The following SLC9B2 variants were observed in gnomAD, a reference collection of about 807,000 sequenced individuals.
The protein encoded by SLC9B2 is sodium/hydrogen exchanger 9B2.
A neutral mutation model predicts 52.2 loss-of-function variants in SLC9B2; 39 were observed. That is an observed-to-expected ratio of 0.75 (90% CI 0.58 to 0.98). The LOEUF (loss-of-function observed/expected upper bound fraction) is 0.98. Among genes scored for constraint, SLC9B2 ranks in the 50% least tolerant of loss-of-function variants. The probability of loss-of-function intolerance (pLI) is 0.00; values close to 1 mark genes in which losing one functional copy is unlikely to be tolerated. For synonymous variants in SLC9B2, 214 were observed against 227.0 expected (o/e 0.94, Z 0.51); for missense variants, 626 against 637.5 (o/e 0.98, Z 0.19).
intron 1 of SLC9B2, among the ~76,000 whole-genome samples, chr4:103,070,398 C>T (rs913496708): frequency 2.0e-5 from 3 of 152,184 alleles, no homozygotes; most frequent in East Asian, 1.9e-4. Flanking sequence ...TAGAGAGGCT[C>T]TTAAGGACTC....
intron 9 of SLC9B2, among the ~76,000 whole-genome samples, chr4:103,041,588 C>T (rs1451418720): frequency 1.3e-5 from 2 of 152,098 alleles, no homozygotes; most frequent in African/African-American, 4.8e-5. Flanking sequence ...TTTTTATGCT[C>T]TGTTTCAAAT....
chr4:103,028,481 C>T (rs1742414270), intron 11 of SLC9B2, among the ~76,000 whole-genome samples: 1 of 152,084 alleles, frequency 6.6e-6, no homozygotes, highest in Admixed American at 6.6e-5. Flanking sequence ...CTCTTCTCTC[C>T]TGTTACTACT....
chr4:103,039,881 C>T (rs926330934), intron 9 of SLC9B2, among the ~76,000 whole-genome samples: 1 of 151,992 alleles, frequency 6.6e-6, no homozygotes, highest in Non-Finnish European at 1.5e-5. Context: ...TTCCTGACCT[C>T]ATGATCCGCC....
intron 3 of SLC9B2, among the ~76,000 whole-genome samples, chr4:103,058,552 C>T (rs1027591654): frequency 9.2e-5 from 14 of 152,166 alleles, no homozygotes; most frequent in African/African-American, 3.1e-4. Context: ...TGTGTACCAC[C>T]ATGCCTGGCT....
At chr4:103,055,342 A>T (rs182625682) in intron 4 of SLC9B2, among the ~76,000 whole-genome samples, 2,249 of 152,292 alleles carry the variant, frequency 0.015, 35 homozygotes, top group Non-Finnish European at 0.023. Flanking sequence ...TACATATGTA[A>T]CTAACCTGCA....
At chr4:103,066,230 G>A in intron 3 of SLC9B2, 97 bp downstream of exon 3, 1 of 1,382,838 alleles carries the variant, frequency 7.2e-7, no homozygotes, top group Non-Finnish European at 9.9e-7. Context: ...ATGTTTGGGA[G>A]AAGTGAACTT....
chr4:103,039,033 G>GT (rs1230366247), intron 9 of SLC9B2, among the ~76,000 whole-genome samples: 3 of 152,170 alleles, frequency 2.0e-5, no homozygotes, highest in Non-Finnish European at 4.4e-5. Flanking sequence ...GAATTTACAA[G>GT]TGTGTCATTT....
intron 1 of SLC9B2, among the ~76,000 whole-genome samples, chr4:103,072,336 C>T (rs1193362160): frequency 6.6e-6 from 1 of 152,086 alleles, no homozygotes; most frequent in Non-Finnish European, 1.5e-5. Flanking sequence ...GGATTACAGG[C>T]GTGAGCCACC....
intron 9 of SLC9B2, among the ~76,000 whole-genome samples, 171 bp downstream of exon 9, chr4:103,043,124 GA>G (rs1337062284): frequency 2.0e-5 from 3 of 152,012 alleles, no homozygotes; most frequent in African/African-American, 7.2e-5. Context: ...GTTATAGATT[GA>G]TGTGTAAGGG....
intron 3 of SLC9B2, among the ~76,000 whole-genome samples, chr4:103,061,442 A>C (rs1745632402): frequency 6.6e-6 from 1 of 151,956 alleles, no homozygotes; most frequent in South Asian, 2.1e-4. Flanking sequence ...TCTCACTCAT[A>C]GGTGGGAATT....
In SLC9B2 at chr4:103,023,067, G is replaced by GT. The variant is rs1304217059; in HGVS notation, c.*3302dup. On this transcript the variant is annotated 3_prime_UTR_variant, in exon 12 of 12. Transcript: ENST00000394785. ...TGTTGTGTAAGCCACCCAGTGTATG[G>GT]TATTTTGTTATAGCAGCCCAAGCTG... Among the ~76,000 whole-genome samples, 2 of 152,160 alleles carry GT rather than the reference G, an allele frequency of 1.3e-5. No homozygotes were observed. Among genetic ancestry groups the GT allele is most frequent in the Admixed American group, 1.3e-4 (2 of 15,280 alleles).
chr4:103,060,107 T>G (rs537044137), intron 3 of SLC9B2, among the ~76,000 whole-genome samples: 1 of 152,070 alleles, frequency 6.6e-6, no homozygotes, highest in African/African-American at 2.4e-5. Flanking sequence ...CCTTTTGTTT[T>G]GCTTAAGATT....
At chr4:103,056,114 A>T (rs1452599720) in intron 4 of SLC9B2, among the ~76,000 whole-genome samples, 1 of 151,560 alleles carries the variant, frequency 6.6e-6, no homozygotes, top group Non-Finnish European at 1.5e-5. Context: ...TATAATGCAG[A>T]ATTCTTTGAA....
intron 4 of SLC9B2, among the ~76,000 whole-genome samples, chr4:103,054,875 A>G (rs1461780594): frequency 1.3e-5 from 2 of 152,214 alleles, no homozygotes; most frequent in African/African-American, 2.4e-5. Flanking sequence ...TGACCCAGCC[A>G]TCCCATTACT....
At chr4:103,045,631 G>A (rs546377315) in intron 7 of SLC9B2, among the ~76,000 whole-genome samples, 5 of 152,084 alleles carry the variant, frequency 3.3e-5, no homozygotes, top group South Asian at 2.1e-4. Flanking sequence ...GGGGTGGGGC[G>A]GGGAGAGGAA....
chr4:103,069,839 A>G (rs189119930), intron 1 of SLC9B2, among the ~76,000 whole-genome samples: 272 of 152,376 alleles, frequency 1.8e-3, no homozygotes, highest in African/African-American at 6.2e-3. Flanking sequence ...CTATTTTTAA[A>G]TAGTCGTGAA....
At chr4:103,055,181 T>C (rs1023256836) in intron 4 of SLC9B2, among the ~76,000 whole-genome samples, 4 of 140,108 alleles carry the variant, frequency 2.9e-5, no homozygotes, top group Non-Finnish European at 6.0e-5. Context: ...TAGGTGGGAA[T>C]TGAACAGTGA....
At chr4:103,071,409 T>C in intron 1 of SLC9B2, among the ~76,000 whole-genome samples, 1 of 145,940 alleles carries the variant, frequency 6.9e-6, no homozygotes, top group African/African-American at 2.6e-5. Flanking sequence ...AGAAGGAGTC[T>C]CACTCTGTCA....
At chr4:103,062,987 C>T (rs1472570277) in intron 3 of SLC9B2, among the ~76,000 whole-genome samples, 1 of 152,218 alleles carries the variant, frequency 6.6e-6, no homozygotes, top group African/African-American at 2.4e-5. Flanking sequence ...TTGTAAACCT[C>T]TGGAACAGAA....
Sources: allele counts gnomAD v4.1 joint callset (sites outside exome capture counted in the v4.1 genomes callset), GRCh38; gene constraint gnomAD v4.1.1; transcripts MANE v1.5; gene names NCBI Gene and HGNC (gene_info 2026-07-23, HGNC 2026-07-21).